TANGO6: variants seen among roughly 807,000 people sequenced by gnomAD.
The protein encoded by TANGO6 is transport and golgi organization 6 homolog, also known as transport and Golgi organization protein 6 homolog.
In TANGO6, 90 loss-of-function variants were observed where a neutral mutation model predicts 114.2. That is an observed-to-expected ratio of 0.79 (90% confidence interval 0.66 to 0.94). TANGO6 has a LOEUF of 0.94. TANGO6 is among the 40% of genes least tolerant of loss of function. The pLI is 0.00. For synonymous variants in TANGO6, 477 were observed against 509.8 expected, an observed-to-expected ratio of 0.94 and a Z score of 0.87; for missense variants, 1,274 against 1,315.3, an observed-to-expected ratio of 0.97 and a Z score of 0.49.
rs563865698 is a variant in TANGO6, at chr16:69,050,255, C to G, written c.3108+9834C>G. 3.9e-5 allele frequency among the ~76,000 whole-genome samples: 6 copies of G among 152,286 alleles called. No homozygotes were observed. In the East Asian group the frequency reaches 1.2e-3, roughly 29 times the overall value. ...CGAACACTTGTTATTGTCCATCATA[C>G]ATTCTAGCATGTATCAAATATGAAC... On this transcript the variant is annotated intron_variant, in intron 17 of 17. Coordinates refer to ENST00000261778, the MANE Select transcript of TANGO6 (RefSeq NM_024562.2).
rs576074392 is a variant in TANGO6 at position 69,019,703 on chromosome 16, A to G, written c.2843-3125A>G. Among the ~76,000 whole-genome samples the G allele has an allele frequency of 5.3e-5, 8 of 150,798 alleles. No homozygotes were observed. The East Asian group carries it at 1.4e-3, about 26-fold the overall frequency. On this transcript the variant is annotated intron_variant, in intron 15 of 17. Transcript: ENST00000261778. ...GGGCATCTTCTTTTCTCCTTATTTT[A>G]TTTCATTTTAGTTTTGTAGAGACAA...
chr16:68,910,419 C>T (rs573094690), intron 11 of TANGO6, among the ~76,000 whole-genome samples: 8 of 152,272 alleles, frequency 5.3e-5, no homozygotes, highest in Admixed American at 2.6e-4. Context: ...ACTTCTTCAT[C>T]CAGACCTTAT....
intron 7 of TANGO6, among the ~76,000 whole-genome samples, chr16:68,894,286 TA>T (rs1490467834): frequency 3.9e-5 from 6 of 152,000 alleles, no homozygotes; most frequent in African/African-American, 1.5e-4. Flanking sequence ...TTTGGGAGTG[TA>T]AATAGGGTAA....
chr16:69,016,275 G>A (rs1015521393), intron 15 of TANGO6, among the ~76,000 whole-genome samples: 5 of 152,122 alleles, frequency 3.3e-5, no homozygotes, highest in South Asian at 4.1e-4. Flanking sequence ...GCACATGCCT[G>A]TAATCCCAGC....
intron 7 of TANGO6, 191 bp from the exon 8 acceptor site, chr16:68,900,243 C>A: frequency 1.7e-6 from 1 of 584,794 alleles, no homozygotes; most frequent in Non-Finnish European, 3.0e-6. Context: ...AGTTCACTGT[C>A]TTGTTTCAGC....
At chr16:69,054,245 A>C (rs1959997701) in intron 17 of TANGO6, among the ~76,000 whole-genome samples, 2 of 152,168 alleles carry the variant, frequency 1.3e-5, no homozygotes, top group South Asian at 4.1e-4. Context: ...CTACCTATCC[A>C]GAGTCTCTCT....
chr16:68,902,259 T>A, intron 8 of TANGO6, 69 bp from the exon 9 acceptor site: 1 of 1,477,128 alleles, frequency 6.8e-7, no homozygotes, highest in East Asian at 2.4e-5. Context: ...TTTCTTTCTT[T>A]TTTTATGTTA....
intron 17 of TANGO6, among the ~76,000 whole-genome samples, chr16:69,073,335 C>T (rs1242913373): frequency 2.0e-5 from 3 of 152,200 alleles, no homozygotes; most frequent in African/African-American, 4.8e-5. Context: ...CCTCTTCCTC[C>T]ACCCACCTCC....
intron 9 of TANGO6, among the ~76,000 whole-genome samples, chr16:68,907,087 AC>A (rs1234393314): frequency 1.4e-5 from 2 of 140,638 alleles, no homozygotes; most frequent in Non-Finnish European, 1.5e-5. Flanking sequence ...GAGCCACCTC[AC>A]CCAGACCTTG....
At chr16:68,955,644 A>G (rs992864102) in intron 14 of TANGO6, among the ~76,000 whole-genome samples, 2 of 152,346 alleles carry the variant, frequency 1.3e-5, no homozygotes, top group South Asian at 4.1e-4. Context: ...ATAAAGGAGA[A>G]AGATTCAGGA....
intron 7 of TANGO6, among the ~76,000 whole-genome samples, chr16:68,881,059 G>A (rs1183824649): frequency 6.6e-6 from 1 of 152,178 alleles, no homozygotes; most frequent in African/African-American, 2.4e-5. Context: ...TAAGAGCTGG[G>A]ATTACAGGCG....
At chr16:69,056,039 CA>C (rs564163625) in intron 17 of TANGO6, among the ~76,000 whole-genome samples, 9 of 140,118 alleles carry the variant, frequency 6.4e-5, no homozygotes, top group Admixed American at 7.3e-5. Context: ...GACTCCATCT[CA>C]AAAAAAAAAG....
intron 15 of TANGO6, 118 bp downstream of exon 15, chr16:68,974,286 G>A: frequency 8.8e-7 from 1 of 1,131,112 alleles, no homozygotes; most frequent in Non-Finnish European, 1.3e-6. Flanking sequence ...TTTGAGGGCT[G>A]GGATGTACCC....
chr16:68,987,743 A>G (rs920891741), intron 15 of TANGO6, among the ~76,000 whole-genome samples: 1 of 152,168 alleles, frequency 6.6e-6, no homozygotes, highest in African/African-American at 2.4e-5. Context: ...GCCATCTGCT[A>G]TGTCTTTTGT....
chr16:69,026,358 AATCTTTCTCTCTGACACGAGTTCCTAC>A (rs1309912210), intron 16 of TANGO6: 1 of 153,926 alleles, frequency 6.5e-6, no homozygotes, highest in Non-Finnish European at 1.5e-5. Flanking sequence ...TTTACGCTAT[AATCTTTCTCTCTGACACGAGTTCCTAC>A]ATCTAGAAAG....
rs200432104 is a variant in TANGO6, at chr16:68,954,085, CAAAA to C, written c.2702-19937_2702-19934del. ...TGAAACCTCGTCTCTACTAAAAATA[CAAAA>C]AAAAAGAAAAGTTAGCTGGGTGTGG... On this transcript the variant is annotated intron_variant, in intron 14 of 17. Transcript: ENST00000261778. 3.3e-5 allele frequency among the ~76,000 whole-genome samples: 5 copies of C among 149,410 alleles called. No homozygotes were observed. The South Asian group carries it at 6.4e-4, about 19-fold the overall frequency.
intron 16 of TANGO6, among the ~76,000 whole-genome samples, chr16:69,039,713 C>G (rs987291068): frequency 1.3e-5 from 2 of 152,210 alleles, no homozygotes; most frequent in African/African-American, 4.8e-5. Context: ...CAGGAAGTCT[C>G]TGAAAGTGAC....
chr16:68,948,643 C>A (rs947527784), intron 14 of TANGO6, among the ~76,000 whole-genome samples: 1 of 152,084 alleles, frequency 6.6e-6, no homozygotes, highest in Non-Finnish European at 1.5e-5. Flanking sequence ...ATATATCAAC[C>A]CTGTTTATAA....
rs933593855 is a variant in TANGO6 at position 68,921,551 on chromosome 16, T to G, written c.2127+2332T>G. ...TAGATTTTTGTTTTGTTTTGTTTTGTTTTTTTTTGGTTGAATATTGATTTG... is the reference window on the plus strand; with the variant it reads ...TAGATTTTTGTTTTGTTTTGTTTTGGTTTTTTTTGGTTGAATATTGATTTG... On this transcript the variant is annotated intron_variant, in intron 12 of 17. Transcript: ENST00000261778. 8.1e-5 allele frequency among the ~76,000 whole-genome samples: 12 copies of G among 148,940 alleles called. No homozygotes were observed. In the South Asian group the frequency reaches 1.1e-3, roughly 13 times the overall value.
Sources: allele counts gnomAD v4.1 joint callset (sites outside exome capture counted in the v4.1 genomes callset), GRCh38; gene constraint gnomAD v4.1.1; transcripts MANE v1.5; gene names NCBI Gene and HGNC (gene_info 2026-07-23, HGNC 2026-07-21).